The following PALMD variants were observed in gnomAD, a reference collection of about 807,000 sequenced individuals.
PALMD encodes paralemmin-like protein.
Under a neutral mutation model 56.2 loss-of-function variants are expected in PALMD, and 42 were observed. The ratio of observed to expected loss-of-function variants is 0.75; its 90% CI spans 0.58 to 0.97. The LOEUF (loss-of-function observed/expected upper bound fraction) is 0.97. PALMD is among the 50% of genes least tolerant of loss of function. The pLI, the probability that PALMD is intolerant of heterozygous loss-of-function variation, is 0.00. For missense variants in PALMD, 660 were observed against 643.8 expected, an observed-to-expected ratio of 1.03 and a Z score of -0.27; for synonymous variants, 242 against 222.9, an observed-to-expected ratio of 1.09 and a Z score of -0.76.
At position 99,683,008 on chromosome 1, in the gene PALMD, A is replaced by G. The variant is rs536149341; in HGVS notation, c.252-3668A>G. On this transcript the variant is annotated intron_variant, in intron 3 of 7. Coordinates refer to ENST00000263174, the MANE Select transcript of PALMD (RefSeq NM_017734.5). ...GTGACAGAGCAAGACTCTGTCTCCA[A>G]AAAGAAAGAAGGAAAGAAAGAAAGA... 7.6e-3 allele frequency among the ~76,000 whole-genome samples: 901 copies of G among 118,986 alleles called. 57 individuals carry two copies. The highest frequency in any genetic ancestry group is 0.035 in the African/African-American group (809 of 23,204). 78.1% of individuals were successfully genotyped at this position (118,986 alleles called of 152,430 possible). A position where few individuals can be genotyped will look rare whatever the true frequency, so the allele number is the denominator to read the frequency against.
At chr1:99,690,579 AAC>A (rs1303777025) in intron 7 of PALMD, among the ~76,000 whole-genome samples, 2 of 152,136 alleles carry the variant, frequency 1.3e-5, no homozygotes, top group Non-Finnish European at 2.9e-5. Context: ...AAATAACTTT[AAC>A]ACTTTTTTTC....
At chr1:99,665,816 T>C (rs1035488158) in intron 2 of PALMD, among the ~76,000 whole-genome samples, 10 of 152,232 alleles carry the variant, frequency 6.6e-5, no homozygotes, top group Non-Finnish European at 1.5e-4. Flanking sequence ...ATTATTAAAA[T>C]GCTGCTATAT....
intron 1 of PALMD, among the ~76,000 whole-genome samples, chr1:99,657,029 A>G (rs1278449121): frequency 6.6e-6 from 1 of 152,202 alleles, no homozygotes; most frequent in Non-Finnish European, 1.5e-5. Context: ...CTGATCCAAA[A>G]TAAACTTCCA....
chr1:99,680,226 C>A (rs1463132190), intron 3 of PALMD, among the ~76,000 whole-genome samples: 1 of 152,030 alleles, frequency 6.6e-6, no homozygotes, highest in Non-Finnish European at 1.5e-5. Flanking sequence ...CAAAAAATTG[C>A]ATGTTGGAAT....
chr1:99,673,226 T>A (rs950532716), intron 3 of PALMD, among the ~76,000 whole-genome samples: 8 of 152,112 alleles, frequency 5.3e-5, no homozygotes, highest in African/African-American at 1.9e-4. Flanking sequence ...AAAAGTTAAA[T>A]TTTTTTGTTA....
chr1:99,664,552 C>T (rs1450445035), intron 2 of PALMD, among the ~76,000 whole-genome samples: 1 of 152,144 alleles, frequency 6.6e-6, no homozygotes, highest in African/African-American at 2.4e-5. Flanking sequence ...ATAAACTGCA[C>T]AGGGCACAGA....
At chr1:99,655,555 T>C (rs1352579009) in intron 1 of PALMD, among the ~76,000 whole-genome samples, 1 of 152,190 alleles carries the variant, frequency 6.6e-6, no homozygotes, top group African/African-American at 2.4e-5. Flanking sequence ...ATTCACCTCT[T>C]TGCCTCTTCA....
At chr1:99,686,193 A>T (rs1653490679) in intron 3 of PALMD, 1 of 152,220 alleles carries the variant, frequency 6.6e-6, no homozygotes, top group African/African-American at 2.4e-5. Flanking sequence ...TAGAATATGC[A>T]AGAATTTTAA....
intron 1 of PALMD, among the ~76,000 whole-genome samples, chr1:99,661,883 A>G (rs951611798): frequency 7.9e-5 from 12 of 152,188 alleles, no homozygotes; most frequent in Non-Finnish European, 1.5e-4. Context: ...CTAACGATCC[A>G]TAGGTTGACC....
Position 99,667,772 on chromosome 1 carries a change from G to A in PALMD, c.251+6G>A, listed in dbSNP as rs770490793. The A allele has an allele frequency of 1.9e-6, 3 of 1,612,440 alleles. No homozygotes were observed. The highest frequency in any genetic ancestry group is 2.5e-6 in the Non-Finnish European group (3 of 1,178,772). ...CTAGAACAAAGTATCCTCAGGTATG[G>A]CCCTCACTGAGATACTCCACAACTA... On this transcript the variant is annotated splice_donor_region_variant and intron_variant, in intron 3 of 7. Transcript: ENST00000263174.
chr1:99,648,617 C>T (rs1296766480), intron 1 of PALMD, among the ~76,000 whole-genome samples: 1 of 151,816 alleles, frequency 6.6e-6, no homozygotes, highest in Non-Finnish European at 1.5e-5. Flanking sequence ...AGGCAATTCC[C>T]CAATGCACCC....
intron 3 of PALMD, among the ~76,000 whole-genome samples, chr1:99,673,141 T>G (rs899410512): frequency 1.3e-5 from 2 of 152,118 alleles, no homozygotes; most frequent in African/African-American, 4.8e-5. Context: ...AAAGCAATAA[T>G]TTACTCAATT....
intron 1 of PALMD, among the ~76,000 whole-genome samples, chr1:99,655,093 C>A (rs1360558424): frequency 1.3e-5 from 2 of 152,044 alleles, no homozygotes; most frequent in Non-Finnish European, 2.9e-5. Flanking sequence ...CCCTAATGTA[C>A]ATTTTTAAAA....
chr1:99,670,987 T>C (rs79739536), intron 3 of PALMD, among the ~76,000 whole-genome samples: 1,630 of 152,326 alleles, frequency 0.011, 31 homozygotes, highest in African/African-American at 0.037. Context: ...GAGAAGCTCT[T>C]ATTACCAGCT....
chr1:99,686,860 C>A, intron 4 of PALMD, 70 bp downstream of exon 4: 2 of 1,368,586 alleles, frequency 1.5e-6, no homozygotes, highest in Non-Finnish European at 2.1e-6. Flanking sequence ...TATAATTTTT[C>A]AAAGCATATC....
rs997640005 is a variant in PALMD at position 99,681,129 on chromosome 1, GTGTGTGTA to G, written c.252-5543_252-5536del. The stretch of plus-strand genomic sequence containing the variant: ...TATGTGTGTGTGTGTGTGTGTGTGT[GTGTGTGTA>G]TGTATATATATATATGTATAGAGCC... On this transcript the variant is annotated intron_variant, in intron 3 of 7. Transcript: ENST00000263174. Among the ~76,000 whole-genome samples, 15 of 140,636 alleles carry G rather than the reference GTGTGTGTA, an allele frequency of 1.1e-4. 1 individual carries two copies. Among genetic ancestry groups the G allele is most frequent in the African/African-American group, 2.4e-4 (8 of 32,768 alleles). 92.3% of individuals were successfully genotyped at this position (140,636 alleles called of 152,430 possible).
At chr1:99,692,418 G>A (rs1392756225) in intron 7 of PALMD, among the ~76,000 whole-genome samples, 1 of 152,170 alleles carries the variant, frequency 6.6e-6, no homozygotes, top group Admixed American at 6.6e-5. Context: ...GCAGGGATCA[G>A]ACAGGAGCAG....
At position 99,686,767 on chromosome 1, in the gene PALMD, C is replaced by A. The variant is rs1487947192; in HGVS notation, c.343C>A (p.Arg115=). The A allele has an allele frequency of 5.0e-6, 8 of 1,587,896 alleles. No individual in the cohort carries two copies. The highest frequency in any genetic ancestry group is 2.2e-5 in the East Asian group (1 of 44,610). The change falls in exon 4 of 8, where the codon CGG becomes AGG. Residue 115 remains arginine, a synonymous_variant. Coordinates refer to ENST00000263174, the MANE Select transcript of PALMD (RefSeq NM_017734.5). ...TTTAAAGAAACTAAAGTCAATTGAG[C>A]GGACAACAGAAGACATTATAAGAGT... The part of the protein sequence containing the change: ...AILKKLKSIE[R]TTEDIIRSVK...
At chr1:99,679,575 T>A (rs1027951168) in intron 3 of PALMD, among the ~76,000 whole-genome samples, 1 of 152,204 alleles carries the variant, frequency 6.6e-6, no homozygotes, top group South Asian at 2.1e-4. Flanking sequence ...ATTACCTTTG[T>A]ATATAATGGG....
Sources: allele counts gnomAD v4.1 joint callset (sites outside exome capture counted in the v4.1 genomes callset), GRCh38; gene constraint gnomAD v4.1.1; transcripts MANE v1.5; gene names NCBI Gene and HGNC (gene_info 2026-07-23, HGNC 2026-07-21).